Variants in IGF1R observed in about 807,000 individuals in gnomAD.
IGF1R encodes insulin like growth factor 1 receptor, also known as insulin-like growth factor 1 receptor.
IGF1R carries 44 observed loss-of-function variants against 144.6 expected under a neutral mutation model. The ratio of observed to expected loss-of-function variants is 0.30; its 90% CI spans 0.24 to 0.39. The LOEUF (loss-of-function observed/expected upper bound fraction) is 0.39, where lower values mean the gene tolerates loss of function less well. IGF1R is among the 10% of genes least tolerant of loss of function. The probability of loss-of-function intolerance (pLI) is 1.00; values close to 1 mark genes in which losing one functional copy is unlikely to be tolerated. For synonymous variants in IGF1R, 795 were observed against 722.8 expected (o/e 1.10, Z -1.60); for missense variants, 1,355 against 1,833.7 (o/e 0.74, Z 4.77).
At chr15:98,685,860 T>A (rs1431875034) in intron 1 of IGF1R, among the ~76,000 whole-genome samples, 1 of 152,226 alleles carries the variant, frequency 6.6e-6, no homozygotes, top group Non-Finnish European at 1.5e-5. Flanking sequence ...GAAACCATTT[T>A]GAACTTTAAA....
At chr15:98,916,494 T>C (rs2015255160) in intron 9 of IGF1R, 178 bp from the exon 10 acceptor site, 4 of 671,332 alleles carry the variant, frequency 6.0e-6, no homozygotes, top group African/African-American at 1.8e-5. Flanking sequence ...ACTCCTAACC[T>C]CAGGTGATTT....
intron 2 of IGF1R, among the ~76,000 whole-genome samples, chr15:98,716,728 C>G (rs1435441157): frequency 1.3e-5 from 2 of 152,036 alleles, no homozygotes; most frequent in Non-Finnish European, 2.9e-5. Flanking sequence ...TTATGGGGGA[C>G]AGTTGTCTTT....
chr15:98,748,317 C>T (rs2054919823), intron 2 of IGF1R, among the ~76,000 whole-genome samples: 1 of 152,108 alleles, frequency 6.6e-6, no homozygotes, highest in African/African-American at 2.4e-5. Flanking sequence ...CAGGCATAAG[C>T]CACCTTGCCC....
intron 2 of IGF1R, among the ~76,000 whole-genome samples, chr15:98,735,650 A>G (rs747897596): frequency 2.0e-5 from 3 of 152,258 alleles, no homozygotes; most frequent in African/African-American, 2.4e-5. Context: ...TATTCAAGAA[A>G]GAGGGTCGCA....
intron 2 of IGF1R, among the ~76,000 whole-genome samples, chr15:98,747,184 T>TGTC (rs1377753949): frequency 5.8e-5 from 6 of 103,102 alleles, no homozygotes; most frequent in Non-Finnish European, 1.4e-4. Context: ...CTATTCAATT[T>TGTC]GTCGTTGTTG....
In IGF1R at chr15:98,839,474, G is replaced by C. The variant is rs1001990369; in HGVS notation, c.641-51851G>C. On this transcript the variant is annotated intron_variant, in intron 2 of 20. Coordinates refer to ENST00000650285, the MANE Select transcript of IGF1R (RefSeq NM_000875.5). ...TGGCTAGAAGTGGCAGCTCAACCTT[G>C]TGTGCCTCGGACACGAAAATATTAG... Among the ~76,000 whole-genome samples the C allele has an allele frequency of 1.4e-4, 22 of 152,310 alleles. No individual in the cohort carries two copies. In the South Asian group the frequency reaches 1.7e-3, roughly 11 times the overall value.
At chr15:98,917,369 A>G (rs2015301438) in intron 10 of IGF1R, among the ~76,000 whole-genome samples, 1 of 152,244 alleles carries the variant, frequency 6.6e-6, no homozygotes, top group Admixed American at 6.5e-5. Flanking sequence ...TGCCACAGGC[A>G]TCCTGTACAA....
intron 2 of IGF1R, among the ~76,000 whole-genome samples, chr15:98,732,272 G>A (rs2054512427): frequency 6.6e-6 from 1 of 152,224 alleles, no homozygotes; most frequent in Non-Finnish European, 1.5e-5. Context: ...ATGCAGAGGA[G>A]TTTGCCAAGT....
At chr15:98,651,054 T>C (rs1428399428) in intron 1 of IGF1R, 1 of 985,286 alleles carries the variant, frequency 1.0e-6, no homozygotes, top group African/African-American at 1.7e-5. Flanking sequence ...GTCGCAGAAC[T>C]GGGACTGGGA....
chr15:98,736,161 A>G (rs897486858), intron 2 of IGF1R, among the ~76,000 whole-genome samples: 5 of 152,206 alleles, frequency 3.3e-5, no homozygotes, highest in Non-Finnish European at 7.3e-5. Context: ...TGATATTTTG[A>G]TTACATTAAT....
intron 2 of IGF1R, among the ~76,000 whole-genome samples, chr15:98,880,074 A>C (rs1394039512): frequency 6.6e-6 from 1 of 152,210 alleles, no homozygotes; most frequent in South Asian, 2.1e-4. Context: ...CTCTAAATAT[A>C]CTAAAAGCTA....
chr15:98,804,375 C>T (rs753570476), intron 2 of IGF1R, among the ~76,000 whole-genome samples: 3 of 151,946 alleles, frequency 2.0e-5, no homozygotes, highest in Non-Finnish European at 4.4e-5. Flanking sequence ...ACAAGTAACC[C>T]GCGTTTGGAG....
chr15:98,827,676 G>C (rs1008935471), intron 2 of IGF1R, among the ~76,000 whole-genome samples: 2 of 152,102 alleles, frequency 1.3e-5, no homozygotes, highest in Non-Finnish European at 2.9e-5. Context: ...TCTGCCTTCC[G>C]GGTTCAAGCG....
chr15:98,856,486 T>C (rs2011825960), intron 2 of IGF1R, among the ~76,000 whole-genome samples: 1 of 152,262 alleles, frequency 6.6e-6, no homozygotes, highest in East Asian at 1.9e-4. Flanking sequence ...GCCTGGTGTT[T>C]AACTGCAATA....
At chr15:98,744,517 C>T (rs1467182069) in intron 2 of IGF1R, among the ~76,000 whole-genome samples, 1 of 151,884 alleles carries the variant, frequency 6.6e-6, no homozygotes, top group Non-Finnish European at 1.5e-5. Context: ...GGTGGGATGG[C>T]AGCCAGGGAG....
At chr15:98,924,161 C>T in intron 12 of IGF1R, 149 bp downstream of exon 12, 2 of 811,770 alleles carry the variant, frequency 2.5e-6, no homozygotes, top group Non-Finnish European at 4.2e-6. Context: ...TCTTTCTACC[C>T]ACTCTGTACT....
intron 2 of IGF1R, among the ~76,000 whole-genome samples, chr15:98,736,834 A>T (rs775857141): frequency 6.7e-6 from 1 of 149,544 alleles, no homozygotes; most frequent in Non-Finnish European, 1.5e-5. Flanking sequence ...CTGGTCTTGA[A>T]CTCTTAAGCT....
intron 2 of IGF1R, among the ~76,000 whole-genome samples, chr15:98,872,550 G>A (rs2012839045): frequency 6.6e-6 from 1 of 152,212 alleles, no homozygotes; most frequent in East Asian, 1.9e-4. Context: ...TGTTTAAAGA[G>A]TACCTAAGAT....
At chr15:98,930,369 G>A in intron 15 of IGF1R, 64 bp downstream of exon 15, 1 of 1,182,926 alleles carries the variant, frequency 8.5e-7, no homozygotes, top group Non-Finnish European at 1.3e-6. Context: ...CTTTCAGGAG[G>A]GTTGCTAATT....
Sources: gnomAD v4.1 joint callset for allele counts (sites outside exome capture counted in the v4.1 genomes callset) on GRCh38, gnomAD v4.1.1 for gene constraint, MANE v1.5 for transcripts, NCBI Gene and HGNC (gene_info 2026-07-23, HGNC 2026-07-21) for gene names.